Variants in SLC8A1 observed in about 807,000 individuals in gnomAD.
SLC8A1 encodes solute carrier family 8 member A1.
In SLC8A1, 18 loss-of-function variants were observed where a neutral mutation model predicts 68.3. The ratio of observed to expected loss-of-function variants is 0.26; its 90% confidence interval spans 0.18 to 0.39. The LOEUF (loss-of-function observed/expected upper bound fraction) is 0.39, where lower values mean the gene tolerates loss of function less well. SLC8A1 is among the 10% of genes least tolerant of loss of function. The pLI is 1.00. For missense variants in SLC8A1, 985 were observed against 1,156.7 expected, an observed-to-expected ratio of 0.85 and a Z score of 2.15; for synonymous variants, 475 against 415.5, an observed-to-expected ratio of 1.14 and a Z score of -1.74.
intron 2 of SLC8A1, among the ~76,000 whole-genome samples, chr2:40,389,323 A>T (rs1684569132): frequency 6.6e-6 from 1 of 152,204 alleles, no homozygotes; most frequent in Non-Finnish European, 1.5e-5. Flanking sequence ...TATTTAGTAG[A>T]GGGTGATATG....
At chr2:40,107,279 C>CAGAAAAAAAAA (rs2034264008) in exon 8 of SLC8A1, 1 of 64,962 alleles carries the variant, frequency 1.5e-5, no homozygotes, top group Non-Finnish European at 2.9e-5. Flanking sequence ...GACTCCGTCT[C>CAGAAAAAAAAA]AAAAAAAAAA....
intron 2 of SLC8A1, among the ~76,000 whole-genome samples, chr2:40,281,713 A>G (rs968731255): frequency 2.4e-4 from 37 of 152,212 alleles, no homozygotes; most frequent in African/African-American, 8.7e-4. Flanking sequence ...GTGAAGACCC[A>G]TCATTTAAAA....
chr2:40,310,222 C>G (rs79781044), intron 2 of SLC8A1, among the ~76,000 whole-genome samples: 187 of 152,220 alleles, frequency 1.2e-3, no homozygotes, highest in African/African-American at 4.3e-3. Flanking sequence ...TGGTGCAGAC[C>G]CAGTCCAGTC....
intron 2 of SLC8A1, among the ~76,000 whole-genome samples, chr2:40,221,644 T>C (rs1380961599): frequency 6.6e-6 from 1 of 151,252 alleles, no homozygotes; most frequent in Non-Finnish European, 1.5e-5. Context: ...CAACGTTTCA[T>C]CTCCTTAAGC....
intron 2 of SLC8A1, among the ~76,000 whole-genome samples, chr2:40,214,943 C>T (rs536188328): frequency 1.5e-3 from 226 of 152,116 alleles, no homozygotes; most frequent in Non-Finnish European, 2.9e-3. Flanking sequence ...ATGATTTTAC[C>T]GGATCAATTC....
At chr2:40,268,909 T>G (rs980928516) in intron 2 of SLC8A1, among the ~76,000 whole-genome samples, 3 of 152,178 alleles carry the variant, frequency 2.0e-5, no homozygotes, top group Admixed American at 2.0e-4. Context: ...AATAACACAT[T>G]TCTACTCCAG....
intron 2 of SLC8A1, among the ~76,000 whole-genome samples, chr2:40,358,899 G>A (rs879604284): frequency 2.0e-5 from 3 of 152,198 alleles, no homozygotes; most frequent in Non-Finnish European, 4.4e-5. Context: ...CACAAAAACA[G>A]GGATGTAGGA....
intron 3 of SLC8A1, 122 bp from the exon 4 acceptor site, chr2:40,175,403 T>C: frequency 1.2e-6 from 1 of 847,564 alleles, no homozygotes. Flanking sequence ...GAGCCACTGC[T>C]AAAAATGGGT....
upstream of SLC8A1, among the ~76,000 whole-genome samples, chr2:40,455,830 AC>A (rs1224030482): frequency 6.6e-6 from 1 of 152,028 alleles, no homozygotes; most frequent in Non-Finnish European, 1.5e-5. Context: ...CTTGTACCTC[AC>A]CCAGTTGTAA....
chr2:40,507,634 C>T (rs1445440403), intron 1 of SLC8A1, among the ~76,000 whole-genome samples: 3 of 151,984 alleles, frequency 2.0e-5, no homozygotes, highest in Non-Finnish European at 4.4e-5. Flanking sequence ...TAAATGCAGC[C>T]TTCAAATCCT....
chr2:40,104,687 C>T (rs752663322), exon 8 of SLC8A1: 3 of 151,988 alleles, frequency 2.0e-5, no homozygotes, highest in Non-Finnish European at 4.4e-5. Context: ...CTTTATATAC[C>T]ATTTAGGGTA....
intron 2 of SLC8A1, among the ~76,000 whole-genome samples, chr2:40,255,922 T>G (rs894924727): frequency 3.3e-5 from 5 of 150,856 alleles, no homozygotes; most frequent in African/African-American, 1.2e-4. Context: ...GGCACCATCC[T>G]TGAGTCCACA....
chr2:40,459,904 T>A (rs1314114689), intron 1 of SLC8A1, among the ~76,000 whole-genome samples: 2 of 152,222 alleles, frequency 1.3e-5, no homozygotes, highest in Admixed American at 1.3e-4. Flanking sequence ...CTCATTCGCA[T>A]ACATGGCTTG....
intron 1 of SLC8A1, among the ~76,000 whole-genome samples, chr2:40,475,534 A>C (rs1704239203): frequency 6.6e-6 from 1 of 152,134 alleles, no homozygotes; most frequent in Non-Finnish European, 1.5e-5. Context: ...TTAAATATTT[A>C]GTTTTTAATT....
intron 2 of SLC8A1, among the ~76,000 whole-genome samples, chr2:40,397,294 G>A (rs1407899161): frequency 6.6e-6 from 1 of 152,134 alleles, no homozygotes; most frequent in Non-Finnish European, 1.5e-5. Context: ...TTTAGCTTAT[G>A]ACTTTCAGGT....
chr2:40,160,534 C>G (rs934895178), intron 6 of SLC8A1, among the ~76,000 whole-genome samples: 2 of 152,098 alleles, frequency 1.3e-5, no homozygotes, highest in Non-Finnish European at 2.9e-5. Flanking sequence ...TGTCTATTTC[C>G]AGAAAGATGC....
At chr2:40,494,852 T>C (rs918684465) in intron 1 of SLC8A1, among the ~76,000 whole-genome samples, 3 of 151,450 alleles carry the variant, frequency 2.0e-5, no homozygotes, top group Non-Finnish European at 4.4e-5. Flanking sequence ...TCTAAGGAAC[T>C]GAGGAACAAC....
At chr2:40,152,196 A>C (rs1375831603) in intron 6 of SLC8A1, among the ~76,000 whole-genome samples, 2 of 152,230 alleles carry the variant, frequency 1.3e-5, no homozygotes, top group Non-Finnish European at 2.9e-5. Flanking sequence ...CATGACATGC[A>C]CAGAAAGTAT....
intron 2 of SLC8A1, among the ~76,000 whole-genome samples, chr2:40,225,198 G>A (rs907609694): frequency 1.3e-5 from 2 of 152,060 alleles, no homozygotes; most frequent in African/African-American, 2.4e-5. Flanking sequence ...AACAGCATAG[G>A]AATTCACATA....
Sources: allele counts gnomAD v4.1 joint callset (sites outside exome capture counted in the v4.1 genomes callset), GRCh38; gene constraint gnomAD v4.1.1; transcripts MANE v1.5; gene names NCBI Gene and HGNC (gene_info 2026-07-23, HGNC 2026-07-21).